The following PRMT8 variants were observed in gnomAD, a reference collection of about 807,000 sequenced individuals.
PRMT8 encodes protein arginine N-methyltransferase 8.
A neutral mutation model predicts 47.1 loss-of-function variants in PRMT8; 7 were observed. That is an observed-to-expected ratio of 0.15 (90% CI 0.08 to 0.28). The LOEUF (loss-of-function observed/expected upper bound fraction) is 0.28, where lower values mean the gene tolerates loss of function less well. PRMT8 is among the 10% of genes least tolerant of loss of function. PRMT8 has a pLI of 1.00. For missense variants in PRMT8, 237 were observed against 505.4 expected, an observed-to-expected ratio of 0.47 and a Z score of 5.09; for synonymous variants, 188 against 186.5, an observed-to-expected ratio of 1.01 and a Z score of -0.07.
intron 1 of PRMT8, chr12:3,462,788 G>A (rs1865055435): frequency 6.6e-6 from 1 of 152,014 alleles, no homozygotes; most frequent in Non-Finnish European, 1.5e-5. Context: ...ACATTTAAAA[G>A]CACTGTCACT....
At chr12:3,407,174 A>C (rs1864380861) in intron 1 of PRMT8, among the ~76,000 whole-genome samples, 1 of 152,106 alleles carries the variant, frequency 6.6e-6, no homozygotes, top group Non-Finnish European at 1.5e-5. Context: ...ATCTCATGAG[A>C]ACTCACTCAC....
intron 8 of PRMT8, among the ~76,000 whole-genome samples, chr12:3,588,972 A>G: frequency 6.6e-6 from 1 of 152,196 alleles, no homozygotes; most frequent in South Asian, 2.1e-4. Flanking sequence ...ACCCTTGTGC[A>G]CGGTGACATT....
chr12:3,440,315 A>G lies in PRMT8; in HGVS notation c.48+58873A>G, dbSNP rs138865046. Among the ~76,000 whole-genome samples, 359 of 152,198 alleles carry G rather than the reference A, an allele frequency of 2.4e-3. 1 individual carries two copies. Among genetic ancestry groups the G allele is most frequent in the Non-Finnish European group, 3.9e-3 (266 of 68,020 alleles). On this transcript the variant is annotated intron_variant, in intron 1 of 9. Transcript: ENST00000452611. The stretch of plus-strand genomic sequence containing the variant: ...CTCTACTAAATATACAAAAAAAATT[A>G]GCCAGGCATGGCAGCACGCGGCTGT...
intron 1 of PRMT8, among the ~76,000 whole-genome samples, chr12:3,410,576 T>G (rs1481696751): frequency 6.6e-6 from 1 of 152,232 alleles, no homozygotes; most frequent in Non-Finnish European, 1.5e-5. Flanking sequence ...TGGCACGATC[T>G]CGGCTCACTG....
intron 1 of PRMT8, among the ~76,000 whole-genome samples, chr12:3,497,166 A>G (rs755221614): frequency 3.3e-5 from 5 of 152,196 alleles, no homozygotes; most frequent in Non-Finnish European, 5.9e-5. Context: ...GCCTGAAAAT[A>G]TGTGAACAGC....
chr12:3,580,094 G>C lies in PRMT8; in HGVS notation c.829-2964G>C, dbSNP rs552883414. Among the ~76,000 whole-genome samples the C allele has an allele frequency of 3.5e-4, 53 of 152,314 alleles. No individual in the cohort carries two copies. Among genetic ancestry groups the C allele is most frequent in the Admixed American group, 9.8e-4 (15 of 15,296 alleles). ...AGCTACAGCTGATCCCATCCTCACA[G>C]ATGGCCTGGACCCCCATTCCAAAAG... is the stretch of plus-strand genomic sequence containing the variant. On this transcript the variant is annotated intron_variant, in intron 7 of 9. Coordinates refer to ENST00000382622, the MANE Select transcript of PRMT8 (RefSeq NM_019854.5). The surrounding 1 kb of genome is among the most constrained non-coding windows in gnomAD (Gnocchi z 4.6).
chr12:3,575,963 G>A (rs1866936311), intron 6 of PRMT8, among the ~76,000 whole-genome samples: 1 of 152,166 alleles, frequency 6.6e-6, no homozygotes, highest in South Asian at 2.1e-4. Context: ...AGGTTGCAGT[G>A]AGCCCAGATT....
In PRMT8 at chr12:3,538,460, C is replaced by T. The variant is rs890954345; in HGVS notation, c.76-2146C>T. On this transcript the variant is annotated intron_variant, in intron 1 of 9. Coordinates refer to ENST00000382622, the MANE Select transcript of PRMT8 (RefSeq NM_019854.5). The surrounding 1 kb of genome is among the most constrained non-coding windows in gnomAD (Gnocchi z 4.6). ...CATGTCGCTGAATGTTCAGGGATCA[C>T]AGGCCACTGCCGTTTCCCACCCACT... is the stretch of plus-strand genomic sequence containing the variant. The T allele has an allele frequency of 1.2e-4, 43 of 359,138 alleles. No individual in the cohort carries two copies. Among genetic ancestry groups the T allele is most frequent in the African/African-American group, 8.9e-4 (42 of 46,946 alleles). The allele number at this position is 359,138 out of a possible 1,614,324, so 22.2% of individuals were successfully genotyped here.
At chr12:3,518,104 G>A (rs767501331) in intron 1 of PRMT8, among the ~76,000 whole-genome samples, 3 of 151,792 alleles carry the variant, frequency 2.0e-5, no homozygotes, top group East Asian at 1.9e-4. Flanking sequence ...TCCCCAACAC[G>A]CTTGCCCCCC....
intron 1 of PRMT8, among the ~76,000 whole-genome samples, chr12:3,496,214 A>ATATATATATATATTTTTTT: frequency 1.4e-4 from 4 of 27,774 alleles, no homozygotes; most frequent in African/African-American, 1.8e-4. Flanking sequence ...ATATATATAT[A>ATATATATATATATTTTTTT]TTTTTTTTTT....
At chr12:3,491,798 C>T (rs1310753408) in intron 1 of PRMT8, 98 bp downstream of exon 1, 1 of 1,388,378 alleles carries the variant, frequency 7.2e-7, no homozygotes, top group East Asian at 2.9e-5. Context: ...AAACTTTCCC[C>T]AGTTTCATCC....
chr12:3,446,378 A>AGTAGTT (rs1864855476), intron 1 of PRMT8, among the ~76,000 whole-genome samples: 1 of 151,762 alleles, frequency 6.6e-6, no homozygotes, highest in Non-Finnish European at 1.5e-5. Context: ...GACTACTGTG[A>AGTAGTT]GCCGGCTCTC....
At chr12:3,522,815 CAG>C (rs979302883) in intron 1 of PRMT8, among the ~76,000 whole-genome samples, 5 of 150,228 alleles carry the variant, frequency 3.3e-5, no homozygotes, top group Non-Finnish European at 7.4e-5. Context: ...CAAAAAAAAA[CAG>C]AAAAAAATGA....
intron 1 of PRMT8, among the ~76,000 whole-genome samples, chr12:3,421,981 C>T (rs992881406): frequency 6.6e-6 from 1 of 152,160 alleles, no homozygotes; most frequent in Non-Finnish European, 1.5e-5. Flanking sequence ...CCTCAGTGCA[C>T]TCCCAGGGGC....
chr12:3,486,319 T>G (rs1488124262), upstream of PRMT8, among the ~76,000 whole-genome samples: 1 of 151,962 alleles, frequency 6.6e-6, no homozygotes, highest in Admixed American at 6.6e-5. Context: ...AACCAATGCA[T>G]AAGACCCCCG....
rs1249489194 is a variant in PRMT8 at position 3,493,804 on chromosome 12, C to CA, written c.75+2110dup. On this transcript the variant is annotated intron_variant, in intron 1 of 9. Coordinates refer to ENST00000382622, the MANE Select transcript of PRMT8 (RefSeq NM_019854.5). The surrounding 1 kb of genome is among the most constrained non-coding windows in gnomAD (Gnocchi z 8.2). The stretch of plus-strand genomic sequence containing the variant: ...TGCGAACAACAACAAAACAAACAAA[C>CA]AAAAAACCACGTCGCGTGCGGGGCA... Among the ~76,000 whole-genome samples, 14 of 152,230 alleles carry CA rather than the reference C, an allele frequency of 9.2e-5. No individual in the cohort carries two copies. Among genetic ancestry groups the CA allele is most frequent in the African/African-American group, 3.4e-4 (14 of 41,464 alleles).
chr12:3,480,421 G>A (rs1865261440), intron 1 of PRMT8, among the ~76,000 whole-genome samples: 1 of 152,162 alleles, frequency 6.6e-6, no homozygotes, highest in South Asian at 2.1e-4. Flanking sequence ...ATCTTAGAAT[G>A]GAAGAGTTGA....
intron 1 of PRMT8, among the ~76,000 whole-genome samples, chr12:3,412,946 A>G (rs907978300): frequency 2.6e-5 from 4 of 152,304 alleles, no homozygotes; most frequent in African/African-American, 7.2e-5. Context: ...ACATTCCATG[A>G]GGCATTGGTC....
At chr12:3,394,803 T>C (rs1377209362) in intron 1 of PRMT8, among the ~76,000 whole-genome samples, 2 of 151,786 alleles carry the variant, frequency 1.3e-5, no homozygotes, top group Admixed American at 6.6e-5. Context: ...TTCCTCCTTG[T>C]ACCTCTGGTA....
Sources: allele counts gnomAD v4.1 joint callset (sites outside exome capture counted in the v4.1 genomes callset), GRCh38; gene constraint gnomAD v4.1.1; non-coding constraint Gnocchi (gnomAD v3.1); transcripts MANE v1.5; gene names NCBI Gene and HGNC (gene_info 2026-07-23, HGNC 2026-07-21).